Variants in MCCC1 observed in about 807,000 individuals in gnomAD.
MCCC1 encodes methylcrotonoyl-CoA carboxylase subunit alpha, mitochondrial.
Under a neutral mutation model 83.8 loss-of-function variants are expected in MCCC1, and 64 were observed. The observed-to-expected ratio is 0.76, with a 90% CI of 0.62 to 0.94. The LOEUF is 0.94. Among genes scored for constraint, MCCC1 ranks in the 40% least tolerant of loss-of-function variants. MCCC1 has a pLI of 0.00. For synonymous variants in MCCC1, 322 were observed against 315.4 expected, an observed-to-expected ratio of 1.02 and a Z score of -0.22; for missense variants, 807 against 904.7, an observed-to-expected ratio of 0.89 and a Z score of 1.39.
intron 1 of MCCC1, among the ~76,000 whole-genome samples, chr3:183,112,913 A>C (rs1719523096): frequency 6.6e-6 from 1 of 151,956 alleles, no homozygotes; most frequent in East Asian, 1.9e-4. Flanking sequence ...ATCTTAAAAA[A>C]TAAAAAAAAA....
chr3:183,071,487 A>G, intron 5 of MCCC1, 130 bp from the exon 6 acceptor site: 1 of 1,285,640 alleles, frequency 7.8e-7, no homozygotes, highest in Non-Finnish European at 1.1e-6. Context: ...CTGAGACGAC[A>G]AAATAATACA....
chr3:183,090,934 A>G (rs1002544179), intron 3 of MCCC1: 20 of 455,958 alleles, frequency 4.4e-5, no homozygotes, highest in African/African-American at 3.4e-4. Flanking sequence ...CAGAGCACTG[A>G]CCTTCGATGG....
chr3:183,089,583 C>T (rs1320529995), intron 3 of MCCC1, among the ~76,000 whole-genome samples: 1 of 151,978 alleles, frequency 6.6e-6, no homozygotes, highest in African/African-American at 2.4e-5. Context: ...CACTGCACTC[C>T]AGCCTAGCTG....
At chr3:183,047,863 G>A (rs904332152) in intron 9 of MCCC1, among the ~76,000 whole-genome samples, 3 of 152,070 alleles carry the variant, frequency 2.0e-5, no homozygotes, top group Non-Finnish European at 2.9e-5. Flanking sequence ...TATTAACTAC[G>A]CAGAACGAGA....
chr3:183,047,845 A>T (rs1714668734), intron 9 of MCCC1, among the ~76,000 whole-genome samples: 1 of 152,212 alleles, frequency 6.6e-6, no homozygotes, highest in Admixed American at 6.5e-5. Context: ...CAAGACAACT[A>T]CAAAAGGTAT....
intron 11 of MCCC1, among the ~76,000 whole-genome samples, chr3:183,040,556 C>CAAAAAAAAAA (rs59767617): frequency 3.6e-5 from 4 of 112,582 alleles, no homozygotes; most frequent in African/African-American, 1.1e-4. Flanking sequence ...ACTAAAAATA[C>CAAAAAAAAAA]AAAAAAAAAA....
chr3:183,047,067 C>T (rs1473357878), intron 9 of MCCC1, among the ~76,000 whole-genome samples: 1 of 152,196 alleles, frequency 6.6e-6, no homozygotes, highest in Non-Finnish European at 1.5e-5. Flanking sequence ...AAAATCCTCC[C>T]ATGCTTCCAG....
At chr3:183,065,742 G>T (rs1279918182) in intron 7 of MCCC1, among the ~76,000 whole-genome samples, 4 of 152,168 alleles carry the variant, frequency 2.6e-5, no homozygotes, top group Non-Finnish European at 5.9e-5. Flanking sequence ...TCTTGTAAAA[G>T]AAATTCTGTG....
intron 9 of MCCC1, among the ~76,000 whole-genome samples, chr3:183,050,723 A>G (rs973646075): frequency 3.3e-5 from 5 of 151,462 alleles, no homozygotes; most frequent in East Asian, 1.9e-4. Context: ...AAAAAAAAAA[A>G]AAAGAAAGGG....
At chr3:183,023,940 C>G (rs1370670553) in intron 15 of MCCC1, among the ~76,000 whole-genome samples, 1 of 152,164 alleles carries the variant, frequency 6.6e-6, no homozygotes, top group Non-Finnish European at 1.5e-5. Context: ...CCTTTTAGGG[C>G]ATCCACAAAG....
At chr3:183,100,070 A>C (rs1719065027), upstream of MCCC1, among the ~76,000 whole-genome samples, 1 of 152,224 alleles carries the variant, frequency 6.6e-6, no homozygotes, top group African/African-American at 2.4e-5. Context: ...GGGAAGATAA[A>C]GGAATAAATA....
In MCCC1 at chr3:183,071,209, C is replaced by G; in HGVS notation, c.639+1G>C. On this transcript the variant is annotated splice_donor_variant, in intron 6 of 18. Transcript: ENST00000265594. LOFTEE classifies it high-confidence loss of function. Reference sequence around the variant, plus strand: ...GCAAACACAAGCATGCACAATCTTACTTTTCCTCCTCCACCCCGGACGGCT... The same window carrying G: ...GCAAACACAAGCATGCACAATCTTAGTTTTCCTCCTCCACCCCGGACGGCT... The G allele has an allele frequency of 6.2e-7, 1 of 1,614,162 alleles. No individual in the cohort carries two copies. Among genetic ancestry groups the G allele is most frequent in the Non-Finnish European group, 8.5e-7 (1 of 1,179,992 alleles).
At chr3:183,091,130 G>A (rs1037253506) in intron 3 of MCCC1, 79 of 433,352 alleles carry the variant, frequency 1.8e-4, no homozygotes, top group Non-Finnish European at 3.5e-4. Flanking sequence ...TGGCTAGAGA[G>A]CCACAAGGGC....
At chr3:183,072,268 T>C in intron 5 of MCCC1, 98 bp downstream of exon 5, 1 of 1,415,420 alleles carries the variant, frequency 7.1e-7, no homozygotes, top group South Asian at 1.2e-5. Flanking sequence ...TGCCTCAGTC[T>C]CCCAAAACAC....
At chr3:183,021,056 T>A (rs888136306) in intron 16 of MCCC1, among the ~76,000 whole-genome samples, 2 of 152,082 alleles carry the variant, frequency 1.3e-5, no homozygotes, top group Non-Finnish European at 2.9e-5. Context: ...CAAGACTCCA[T>A]CTCAAAAAAT....
rs202083272 is a variant in MCCC1, at chr3:183,071,002, G to T, written c.758C>A (p.Pro253Gln). The change falls in exon 7 of 19, where the codon CCG (proline) becomes CAG (glutamine). Residue 253 changes from proline (P) to glutamine (Q), a missense_variant. By Grantham distance (76) the Pro-to-Gln change is moderately conservative. Transcript: ENST00000265594. ...CAGAAAAATAAGGCCAACCCACCTC[G>T]GTGTGTCTACAAACTTCTCGATCAG... is the stretch of plus-strand genomic sequence containing the variant. ...AMLIEKFVDTPRHVEVQVFGD... is the reference protein window; with the variant it reads ...AMLIEKFVDTQRHVEVQVFGD... 1 of 1,613,628 alleles carries T rather than the reference G, an allele frequency of 6.2e-7. No homozygotes were observed. The highest frequency in any genetic ancestry group is 2.2e-5 in the East Asian group (1 of 44,872).
chr3:183,071,152 A>G (rs762818002), intron 6 of MCCC1, 32 bp from the exon 7 acceptor site: 1 of 1,614,232 alleles, frequency 6.2e-7, no homozygotes, highest in Non-Finnish European at 8.5e-7. Flanking sequence ...TGACTACAAC[A>G]TAAATAAAAC....
At chr3:183,046,267 T>C (rs1451033495) in intron 9 of MCCC1, among the ~76,000 whole-genome samples, 1 of 152,226 alleles carries the variant, frequency 6.6e-6, no homozygotes, top group African/African-American at 2.4e-5. Context: ...ATAGTTTTTC[T>C]AGAATTTTAT....
intron 4 of MCCC1, among the ~76,000 whole-genome samples, chr3:183,084,447 G>A (rs757255095): frequency 3.3e-5 from 5 of 152,064 alleles, no homozygotes; most frequent in African/African-American, 4.8e-5. Flanking sequence ...ATATCTCCAC[G>A]TACTATTATC....
Sources: allele counts gnomAD v4.1 joint callset (sites outside exome capture counted in the v4.1 genomes callset), GRCh38; gene constraint gnomAD v4.1.1; transcripts MANE v1.5; gene names NCBI Gene and HGNC (gene_info 2026-07-23, HGNC 2026-07-21).